Variants in TRPC4 observed in about 807,000 individuals in gnomAD.
The protein encoded by TRPC4 is short transient receptor potential channel 4.
In TRPC4, 49 loss-of-function variants were observed where a neutral mutation model predicts 99.4. The observed-to-expected ratio is 0.49, with a 90% CI of 0.39 to 0.63. The LOEUF is 0.63. Among genes scored for constraint, TRPC4 ranks in the 20% least tolerant of loss-of-function variants. The probability of loss-of-function intolerance (pLI) is 0.00; values close to 1 mark genes in which losing one functional copy is unlikely to be tolerated. For missense variants in TRPC4, 898 were observed against 1,152.9 expected, an observed-to-expected ratio of 0.78 and a Z score of 3.20; for synonymous variants, 454 against 425.9, an observed-to-expected ratio of 1.07 and a Z score of -0.81.
At chr13:37,712,669 G>A (rs1954523943) in intron 3 of TRPC4, among the ~76,000 whole-genome samples, 1 of 152,088 alleles carries the variant, frequency 6.6e-6, no homozygotes, top group Non-Finnish European at 1.5e-5. Flanking sequence ...TTATGTGGGA[G>A]CATTTCACTA....
Position 37,634,862 on chromosome 13 carries a change from G to A in TRPC4, c.*2041C>T, listed in dbSNP as rs1184117766. On this transcript the variant is annotated 3_prime_UTR_variant, in exon 11 of 11. Coordinates refer to ENST00000379705, the MANE Select transcript of TRPC4 (RefSeq NM_016179.4). Reference sequence around the variant, plus strand: ...TGAGTCCTAATATACTTGAGATAAAGGTGTTCTTGAAACAGTAAATGCATT... The same window carrying A: ...TGAGTCCTAATATACTTGAGATAAAAGTGTTCTTGAAACAGTAAATGCATT... Among the ~76,000 whole-genome samples, 1 of 151,972 alleles carries A rather than the reference G, an allele frequency of 6.6e-6. No homozygotes were observed. Among genetic ancestry groups the A allele is most frequent in the African/African-American group, 2.4e-5 (1 of 41,394 alleles).
chr13:37,812,952 T>C (rs1030513865), intron 1 of TRPC4, among the ~76,000 whole-genome samples: 14 of 151,722 alleles, frequency 9.2e-5, no homozygotes, highest in African/African-American at 3.1e-4. Context: ...AACTTCTCAT[T>C]GGAAAAACAC....
At chr13:37,795,061 T>C (rs1220768269) in intron 1 of TRPC4, among the ~76,000 whole-genome samples, 4 of 152,206 alleles carry the variant, frequency 2.6e-5, no homozygotes, top group African/African-American at 9.6e-5. Context: ...ACTACTGTTA[T>C]ATAAAATATG....
At chr13:37,836,826 C>T (rs533749456) in intron 1 of TRPC4, among the ~76,000 whole-genome samples, 100 of 152,326 alleles carry the variant, frequency 6.6e-4, no homozygotes, top group Admixed American at 7.8e-4. Flanking sequence ...CAAGACAATG[C>T]GGAAAATGTC....
At chr13:37,858,154 A>G (rs748789768) in intron 1 of TRPC4, among the ~76,000 whole-genome samples, 1 of 151,758 alleles carries the variant, frequency 6.6e-6, no homozygotes, top group Non-Finnish European at 1.5e-5. Flanking sequence ...GAAAATAGGC[A>G]CACAAGAAGG....
At chr13:37,700,245 A>T (rs908997142) in intron 3 of TRPC4, among the ~76,000 whole-genome samples, 1 of 152,228 alleles carries the variant, frequency 6.6e-6, no homozygotes, top group African/African-American at 2.4e-5. Flanking sequence ...AAAATTATAC[A>T]GTATTGAAGA....
chr13:37,798,591 G>C (rs1002220263), intron 1 of TRPC4, among the ~76,000 whole-genome samples: 3 of 151,990 alleles, frequency 2.0e-5, no homozygotes, highest in Non-Finnish European at 4.4e-5. Context: ...GGAACATTTA[G>C]ATGAAAAGTG....
intron 3 of TRPC4, among the ~76,000 whole-genome samples, chr13:37,706,981 T>C (rs186938900): frequency 2.0e-5 from 3 of 152,216 alleles, no homozygotes; most frequent in East Asian, 1.9e-4. Context: ...TCACCTTGCT[T>C]TTCTTGTGTA....
chr13:37,752,075 CTATATATA>C (rs10528143), intron 2 of TRPC4, among the ~76,000 whole-genome samples: 2,461 of 73,954 alleles, frequency 0.033, 416 homozygotes, highest in Middle Eastern at 0.16. Flanking sequence ...AAGCAGAAAA[CTATATATA>C]TATATATATA....
intron 1 of TRPC4, among the ~76,000 whole-genome samples, chr13:37,817,554 C>T (rs1249954486): frequency 6.6e-6 from 1 of 151,844 alleles, no homozygotes; most frequent in Non-Finnish European, 1.5e-5. Flanking sequence ...CAAAAAAGAG[C>T]ATGAATAACC....
At chr13:37,752,145 C>T (rs1200069710) in intron 2 of TRPC4, among the ~76,000 whole-genome samples, 2 of 131,894 alleles carry the variant, frequency 1.5e-5, no homozygotes, top group South Asian at 2.5e-4. Flanking sequence ...TGCTATGAGC[C>T]CTAGAACATA....
chr13:37,651,269 A>C lies in TRPC4; in HGVS notation c.2075T>G (p.Ile692Arg), dbSNP rs749501326. The C allele has an allele frequency of 6.2e-7, 1 of 1,614,082 alleles. No homozygotes were observed. Among genetic ancestry groups the C allele is most frequent in the Non-Finnish European group, 8.5e-7 (1 of 1,179,942 alleles). ...MRRKPESFGT[I>R]GRRAADNLRR... Reference sequence around the variant, plus strand: ...ACTAACATGCTGTGTTCTTACCCCTATTGTTCCAAAACTTTCTGGCTTTCT... The same window carrying C: ...ACTAACATGCTGTGTTCTTACCCCTCTTGTTCCAAAACTTTCTGGCTTTCT... The change falls in exon 8 of 11, where the codon ATA (isoleucine) becomes AGA (arginine). Residue 692 changes from isoleucine (I) to arginine (R), a missense_variant. Physicochemically the swap from Ile to Arg is moderately conservative, Grantham distance 97 (BLOSUM62 -3). This residue lies in a region of TRPC4 where 346 missense variants were observed against 351.4 expected (regional missense o/e 0.98). Coordinates refer to ENST00000379705, the MANE Select transcript of TRPC4 (RefSeq NM_016179.4).
intron 1 of TRPC4, among the ~76,000 whole-genome samples, chr13:37,841,568 G>C (rs1023978413): frequency 6.7e-6 from 1 of 150,276 alleles, no homozygotes; most frequent in Admixed American, 6.7e-5. Flanking sequence ...AAAACAATTA[G>C]AAAATATTCA....
At chr13:37,721,701 A>C (rs1954875473) in intron 3 of TRPC4, among the ~76,000 whole-genome samples, 1 of 152,164 alleles carries the variant, frequency 6.6e-6, no homozygotes. Context: ...TTTTCCAGTG[A>C]ATTTTATTTA....
chr13:37,721,158 T>G (rs994580970), intron 3 of TRPC4, among the ~76,000 whole-genome samples: 1 of 152,146 alleles, frequency 6.6e-6, no homozygotes, highest in Non-Finnish European at 1.5e-5. Context: ...TTTTCATAAG[T>G]GCTTATTTAG....
chr13:37,769,222 C>T (rs568639322), intron 2 of TRPC4, among the ~76,000 whole-genome samples: 1 of 151,470 alleles, frequency 6.6e-6, no homozygotes, highest in African/African-American at 2.4e-5. Context: ...ATGTTTGAAA[C>T]TATACATATA....
chr13:37,705,339 C>A (rs1011734259), intron 3 of TRPC4, among the ~76,000 whole-genome samples: 3 of 152,000 alleles, frequency 2.0e-5, no homozygotes, highest in Non-Finnish European at 4.4e-5. Flanking sequence ...AAGGGCGCAT[C>A]ATTTCAGTTA....
intron 1 of TRPC4, among the ~76,000 whole-genome samples, chr13:37,841,995 C>A (rs1958742019): frequency 6.6e-6 from 1 of 151,982 alleles, no homozygotes; most frequent in South Asian, 2.1e-4. Context: ...TATGGCCAGG[C>A]ACAGTGGCTC....
chr13:37,835,244 A>T (rs1958534820), intron 1 of TRPC4, among the ~76,000 whole-genome samples: 1 of 152,056 alleles, frequency 6.6e-6, no homozygotes, highest in Admixed American at 6.5e-5. Context: ...ATAACTTTTC[A>T]TTTTAACTTC....
Sources: gnomAD v4.1 joint callset for allele counts (sites outside exome capture counted in the v4.1 genomes callset) on GRCh38, gnomAD v4.1.1 for gene constraint, gnomAD v4.1.1 regional missense constraint, MANE v1.5 for transcripts, NCBI Gene and HGNC (gene_info 2026-07-23, HGNC 2026-07-21) for gene names.